INPP5B: variants seen among roughly 807,000 people sequenced by gnomAD.
The protein encoded by INPP5B is inositol polyphosphate-5-phosphatase B.
In INPP5B, 90 loss-of-function variants were observed where a neutral mutation model predicts 118.5. That is an observed-to-expected ratio of 0.76 (90% CI 0.64 to 0.90). The LOEUF is 0.90. Among genes scored for constraint, INPP5B ranks in the 40% least tolerant of loss-of-function variants. The pLI, the probability that INPP5B is intolerant of heterozygous loss-of-function variation, is 0.00. For missense variants in INPP5B, 984 were observed against 1,125.6 expected (o/e 0.87, Z 1.80); for synonymous variants, 385 against 418.9 (o/e 0.92, Z 0.99).
At chr1:37,891,590 C>T (rs951940613) in intron 7 of INPP5B, 136 bp from the exon 8 acceptor site, 2 of 570,592 alleles carry the variant, frequency 3.5e-6, no homozygotes, top group African/African-American at 3.8e-5. Context: ...GCCTGACCAA[C>T]ATGGAGAAAC....
At chr1:37,876,710 A>AAAC (rs1408329297) in intron 16 of INPP5B, among the ~76,000 whole-genome samples, 1 of 147,872 alleles carries the variant, frequency 6.8e-6, no homozygotes, top group Non-Finnish European at 1.5e-5. Flanking sequence ...ATACAAAAAA[A>AAAC]AAAAAAAAAA....
At chr1:37,884,687 C>T (rs1643411955) in intron 13 of INPP5B, among the ~76,000 whole-genome samples, 1 of 152,152 alleles carries the variant, frequency 6.6e-6, no homozygotes, top group Non-Finnish European at 1.5e-5. Flanking sequence ...CGTGGTGGCT[C>T]ATGCCTGTAA....
At position 37,862,147 on chromosome 1, in the gene INPP5B, G is replaced by A. The variant is rs1285397898; in HGVS notation, c.*168C>T. 1.5e-5 allele frequency: 9 copies of A among 581,452 alleles called. No individual in the cohort carries two copies. Among genetic ancestry groups the A allele is most frequent in the African/African-American group, 3.7e-5 (2 of 53,552 alleles). The allele number at this position is 581,452 out of a possible 1,614,324, so 36.0% of individuals were successfully genotyped here. A position where few individuals can be genotyped will look rare whatever the true frequency, so the allele number is the denominator to read the frequency against. On this transcript the variant is annotated 3_prime_UTR_variant, in exon 24 of 24. Transcript: ENST00000373024. ...CTCCCGTGTCTTCACGACTCACAGCGCTGAGTGTGCTAACCAATGGTGGGC... is the reference window on the plus strand; with the variant it reads ...CTCCCGTGTCTTCACGACTCACAGCACTGAGTGTGCTAACCAATGGTGGGC...
chr1:37,873,065 G>C lies in INPP5B; in HGVS notation c.2052C>G (p.His684Gln), dbSNP rs143656138. 1.2e-6 allele frequency: 2 copies of C among 1,614,146 alleles called. No homozygotes were observed. The highest frequency in any genetic ancestry group is 1.7e-6 in the Non-Finnish European group (2 of 1,180,020). The change falls in exon 19 of 24, where the codon CAC (histidine) becomes CAG (glutamine). Residue 684 changes from histidine to glutamine, a missense_variant. By Grantham distance (24) the His-to-Gln change is conservative. This residue lies in a region of INPP5B where 634 missense variants were observed against 791.0 expected (regional missense o/e 0.80). Transcript: ENST00000373024. ...EDKIEDILVL[H>Q]LDRGKDYFLS... The stretch of plus-strand genomic sequence containing the variant: ...AAAAGTAATCCTTTCCCCTGTCCAA[G>C]TGCAGAACCAGAATGTCCTCAATTT...
intron 19 of INPP5B, chr1:37,870,019 C>A (rs936165517): frequency 6.6e-6 from 1 of 151,428 alleles, no homozygotes; most frequent in African/African-American, 2.4e-5. Flanking sequence ...GATAACCTAC[C>A]GATGATGATT....
At chr1:37,920,616 G>A (rs921437052) in intron 7 of INPP5B, among the ~76,000 whole-genome samples, 12 of 151,238 alleles carry the variant, frequency 7.9e-5, no homozygotes, top group African/African-American at 2.9e-4. Flanking sequence ...AGTGAGCCGA[G>A]ATCAAACCAC....
intron 7 of INPP5B, among the ~76,000 whole-genome samples, chr1:37,910,939 C>T (rs1264021565): frequency 6.6e-6 from 1 of 152,168 alleles, no homozygotes; most frequent in Admixed American, 6.5e-5. Context: ...CCCCACTCCC[C>T]TTTCCATTCC....
chr1:37,876,618 G>A (rs2148477878), intron 16 of INPP5B, among the ~76,000 whole-genome samples: 1 of 146,362 alleles, frequency 6.8e-6, no homozygotes, highest in Non-Finnish European at 1.5e-5. Context: ...CCAGCACTTT[G>A]GGATGCCGAG....
chr1:37,894,818 G>C (rs956504214), intron 7 of INPP5B, among the ~76,000 whole-genome samples: 2 of 152,008 alleles, frequency 1.3e-5, no homozygotes, highest in African/African-American at 4.8e-5. Flanking sequence ...CTGGGATTAC[G>C]GGCATGAGCC....
intron 7 of INPP5B, chr1:37,931,553 G>A: frequency 2.0e-6 from 3 of 1,537,362 alleles, no homozygotes; most frequent in Non-Finnish European, 2.6e-6. Context: ...GGGCCACCAG[G>A]ACTTTGGTCT....
Position 37,885,717 on chromosome 1 carries a change from C to A in INPP5B, c.1240G>T (p.Asp414Tyr). The A allele has an allele frequency of 6.2e-7, 1 of 1,614,168 alleles. No homozygotes were observed. The highest frequency in any genetic ancestry group is 8.5e-7 in the Non-Finnish European group (1 of 1,180,018). ...HIEEYERRNQ[D>Y]YKDICSRMQF... The stretch of plus-strand genomic sequence containing the variant: ...ATTCGAGAACAAATGTCCTTATAGT[C>A]CTGGTTCCTCCTCTCATACTCTTCA... Residue 414 changes from aspartate (D) to tyrosine (Y), a missense_variant, in exon 13 of 24, where the codon GAC becomes TAC. Physicochemically the swap from Asp to Tyr is radical, Grantham distance 160. Transcript: ENST00000373024.
intron 5 of INPP5B, among the ~76,000 whole-genome samples, chr1:37,942,864 A>G (rs894029707): frequency 1.4e-5 from 2 of 141,388 alleles, no homozygotes; most frequent in African/African-American, 5.1e-5. Context: ...AGCCAAGATC[A>G]TGCCACTGTA....
intron 19 of INPP5B, among the ~76,000 whole-genome samples, chr1:37,869,731 C>CA (rs1347764147): frequency 1.3e-5 from 2 of 152,058 alleles, no homozygotes; most frequent in African/African-American, 4.8e-5. Context: ...CCACCCGCCT[C>CA]AGCCTCCCAA....
Position 37,888,139 on chromosome 1 carries a change from C to T in INPP5B, c.899+104G>A, listed in dbSNP as rs890868198. On this transcript the variant is annotated intron_variant, in intron 10 of 23. Transcript: ENST00000373024. ...AAACAGGGAAACAGCTGTTATCAGG[C>T]ATCTGTTCATTTTTCAAATCCTTCA... 3 of 607,648 alleles carry T rather than the reference C, an allele frequency of 4.9e-6. No homozygotes were observed. In the African/African-American group the frequency reaches 5.7e-5, roughly 12 times the overall value. The allele number at this position is 607,648 out of a possible 1,614,324, so 37.6% of individuals were successfully genotyped here.
chr1:37,945,922 T>C (rs1297951797), intron 2 of INPP5B, 72 bp from the exon 3 acceptor site: 2 of 1,366,778 alleles, frequency 1.5e-6, no homozygotes, highest in Non-Finnish European at 2.1e-6. Flanking sequence ...CCACCTTCCC[T>C]CTGTTCCCCT....
chr1:37,940,635 A>T, intron 6 of INPP5B, 53 bp downstream of exon 6: 1 of 975,326 alleles, frequency 1.0e-6, no homozygotes, highest in Non-Finnish European at 1.7e-6. Context: ...TGGGGTGGGT[A>T]GGTGAATACC....
At chr1:37,896,471 G>T (rs1332730462) in intron 7 of INPP5B, among the ~76,000 whole-genome samples, 2 of 149,244 alleles carry the variant, frequency 1.3e-5, no homozygotes, top group Admixed American at 6.6e-5. Flanking sequence ...GGAGGGAGGT[G>T]GGGGGATCAG....
chr1:37,889,832 T>A, intron 8 of INPP5B, 108 bp from the exon 9 acceptor site: 1 of 731,558 alleles, frequency 1.4e-6, no homozygotes, highest in Non-Finnish European at 2.2e-6. Context: ...CACAGAAGAC[T>A]AAAGGAGGCC....
intron 7 of INPP5B, among the ~76,000 whole-genome samples, chr1:37,917,000 A>G (rs552898394): frequency 1.9e-4 from 28 of 151,350 alleles, no homozygotes; most frequent in African/African-American, 6.8e-4. Flanking sequence ...CACTTAAAAT[A>G]TGGCTTGAGA....
Sources: gnomAD v4.1 joint callset for allele counts (sites outside exome capture counted in the v4.1 genomes callset) on GRCh38, gnomAD v4.1.1 for gene constraint, gnomAD v4.1.1 regional missense constraint, MANE v1.5 for transcripts, NCBI Gene and HGNC (gene_info 2026-07-23, HGNC 2026-07-21) for gene names.